SLC14A2: variants seen among roughly 807,000 people sequenced by gnomAD.
The protein encoded by SLC14A2 is solute carrier family 14 member 2, also known as urea transporter 2.
In SLC14A2, 91 loss-of-function variants were observed where a neutral mutation model predicts 104.6. That is an observed-to-expected ratio of 0.87 (90% CI 0.73 to 1.04). The LOEUF (loss-of-function observed/expected upper bound fraction) is 1.04. SLC14A2 is among the 50% of genes least tolerant of loss of function. The probability of loss-of-function intolerance (pLI) is 0.00; values close to 1 mark genes in which losing one functional copy is unlikely to be tolerated. For missense variants in SLC14A2, 1,189 were observed against 1,156.0 expected, an observed-to-expected ratio of 1.03 and a Z score of -0.41; for synonymous variants, 476 against 466.4, an observed-to-expected ratio of 1.02 and a Z score of -0.27.
intron 1 of SLC14A2, among the ~76,000 whole-genome samples, chr18:45,342,439 G>C (rs1240244355): frequency 6.6e-6 from 1 of 152,092 alleles, no homozygotes; most frequent in Admixed American, 6.6e-5. Flanking sequence ...AGTGAGGGAG[G>C]ATGTGTGGTT....
intron 2 of SLC14A2, among the ~76,000 whole-genome samples, chr18:45,505,062 A>G (rs911480091): frequency 1.3e-5 from 2 of 152,224 alleles, no homozygotes; most frequent in Non-Finnish European, 2.9e-5. Context: ...AGTTAGGAAA[A>G]GAAAAATAAA....
At chr18:45,171,788 C>A in the SLC14A2 span, among the ~76,000 whole-genome samples, 4 of 152,042 alleles carry the variant, frequency 2.6e-5, no homozygotes, top group Admixed American at 2.6e-4. Flanking sequence ...TTTATTAGGA[C>A]CTGGTGGTGA....
chr18:45,371,188 C>T (rs946035910), intron 1 of SLC14A2, among the ~76,000 whole-genome samples: 1 of 152,148 alleles, frequency 6.6e-6, no homozygotes, highest in Non-Finnish European at 1.5e-5. Flanking sequence ...ACCTCAGTTT[C>T]CACTAAAAGG....
intron 1 of SLC14A2, among the ~76,000 whole-genome samples, chr18:45,617,666 C>A (rs1436418278): frequency 2.6e-5 from 4 of 152,166 alleles, no homozygotes; most frequent in Non-Finnish European, 4.4e-5. Flanking sequence ...CCTCCCTGAT[C>A]TCCCTGATGT....
At chr18:45,547,901 G>A (rs1345494) in intron 2 of SLC14A2, among the ~76,000 whole-genome samples, 3 of 152,130 alleles carry the variant, frequency 2.0e-5, no homozygotes, top group African/African-American at 7.2e-5. Flanking sequence ...AAGAGCAAAA[G>A]GGTTGGCCTG....
chr18:45,341,222 G>A (rs879814592), intron 1 of SLC14A2, among the ~76,000 whole-genome samples: 6 of 151,286 alleles, frequency 4.0e-5, no homozygotes, highest in South Asian at 2.1e-4. Flanking sequence ...TGTTAAGTCC[G>A]GTGGGCCAAG....
intron 1 of SLC14A2, among the ~76,000 whole-genome samples, chr18:45,358,171 G>A (rs1362564971): frequency 6.6e-6 from 1 of 152,186 alleles, no homozygotes; most frequent in Non-Finnish European, 1.5e-5. Flanking sequence ...GTGTGCTTTG[G>A]AAGGGAGGAA....
chr18:45,480,633 A>G (rs1404336094), intron 1 of SLC14A2, among the ~76,000 whole-genome samples: 3 of 152,178 alleles, frequency 2.0e-5, no homozygotes, highest in Non-Finnish European at 4.4e-5. Flanking sequence ...CACAGCCCAC[A>G]TAACCAGAGC....
intron 10 of SLC14A2, among the ~76,000 whole-genome samples, chr18:45,645,088 C>A (rs142341782): frequency 6.6e-6 from 1 of 152,164 alleles, no homozygotes; most frequent in African/African-American, 2.4e-5. Context: ...CACTGTTCAA[C>A]TCCCACTTAT....
intron 2 of SLC14A2, among the ~76,000 whole-genome samples, chr18:45,524,875 G>A (rs975683148): frequency 2.6e-5 from 4 of 152,116 alleles, no homozygotes; most frequent in African/African-American, 9.7e-5. Flanking sequence ...CCTAGCATTT[G>A]GAGTTGAAGG....
intron 2 of SLC14A2, among the ~76,000 whole-genome samples, chr18:45,490,228 G>A (rs1214134394): frequency 6.6e-6 from 1 of 152,112 alleles, no homozygotes; most frequent in Non-Finnish European, 1.5e-5. Context: ...CAAAGCACAG[G>A]AAAAAAATTG....
At chr18:45,631,829 C>T (rs1441010172) in intron 4 of SLC14A2, among the ~76,000 whole-genome samples, 1 of 152,150 alleles carries the variant, frequency 6.6e-6, no homozygotes, top group African/African-American at 2.4e-5. Flanking sequence ...CCATGTTGCC[C>T]AGGCTGGTTG....
intron 2 of SLC14A2, among the ~76,000 whole-genome samples, chr18:45,600,294 G>A (rs1234437625): frequency 1.3e-5 from 2 of 151,974 alleles, no homozygotes; most frequent in African/African-American, 4.8e-5. Context: ...TGCTAGATGA[G>A]TGAAGACCAT....
chr18:45,663,765 C>A lies in SLC14A2; in HGVS notation c.1352-20C>A. The A allele has an allele frequency of 6.2e-7, 1 of 1,610,066 alleles. No individual in the cohort carries two copies. The highest frequency in any genetic ancestry group is 1.1e-5 in the South Asian group (1 of 90,610). On this transcript the variant is annotated intron_variant, in intron 10 of 19. Coordinates refer to ENST00000255226, the MANE Select transcript of SLC14A2 (RefSeq NM_007163.4). Reference sequence around the variant, plus strand: ...CGGACTAGGTGGGACACTGACCTGTCTTGTTTTGCCCCTGGCTAGGAGGCG... The same window carrying A: ...CGGACTAGGTGGGACACTGACCTGTATTGTTTTGCCCCTGGCTAGGAGGCG...
rs554578386 is a variant in SLC14A2, at chr18:45,419,617, T to C, written c.-124-63616T>C. Among the ~76,000 whole-genome samples the C allele has an allele frequency of 3.3e-5, 5 of 152,174 alleles. No homozygotes were observed. The South Asian group carries it at 8.3e-4, about 25-fold the overall frequency. On this transcript the variant is annotated intron_variant, in intron 1 of 20. Coordinates refer to the SLC14A2 transcript ENST00000586448. ...GGTGAAACCCCACCTGTACTAAAAA[T>C]ACAAAAATTAGTCAGGTGTGGTGGC...
At chr18:45,312,295 A>C (rs2085086663) in intron 1 of SLC14A2, among the ~76,000 whole-genome samples, 1 of 152,188 alleles carries the variant, frequency 6.6e-6, no homozygotes, top group African/African-American at 2.4e-5. Context: ...TTATGTGAGC[A>C]ATATGAGAGA....
intron 2 of SLC14A2, among the ~76,000 whole-genome samples, chr18:45,491,575 G>T (rs2043001357): frequency 6.6e-6 from 1 of 152,114 alleles, no homozygotes; most frequent in Admixed American, 6.5e-5. Flanking sequence ...AGAAATATTA[G>T]CATAATAATA....
At chr18:45,676,601 G>A (rs935104159) in intron 18 of SLC14A2, among the ~76,000 whole-genome samples, 2 of 151,786 alleles carry the variant, frequency 1.3e-5, no homozygotes, top group Admixed American at 1.3e-4. Flanking sequence ...TGAGGCTGGG[G>A]GAAGTGCTAC....
chr18:45,643,837 C>T, intron 9 of SLC14A2, 149 bp from the exon 10 acceptor site: 1 of 706,492 alleles, frequency 1.4e-6, no homozygotes, highest in African/African-American at 1.8e-5. Flanking sequence ...TGACCAACTA[C>T]TGTGACATTG....
Sources: allele counts gnomAD v4.1 joint callset (sites outside exome capture counted in the v4.1 genomes callset), GRCh38; gene constraint gnomAD v4.1.1; transcripts MANE v1.5; gene names NCBI Gene and HGNC (gene_info 2026-07-23, HGNC 2026-07-21).